Variants in TJP2 observed in about 807,000 individuals in gnomAD.
TJP2 encodes the protein tight junction protein 2, also known as Friedreich ataxia region gene X104 (tight junction protein ZO-2).
Under a neutral mutation model 133.1 loss-of-function variants are expected in TJP2, and 91 were observed. The ratio of observed to expected loss-of-function variants is 0.68; its 90% confidence interval spans 0.58 to 0.81. The LOEUF is 0.81. TJP2 is among the 40% of genes least tolerant of loss of function. The probability of loss-of-function intolerance (pLI) is 0.00; values close to 1 mark genes in which losing one functional copy is unlikely to be tolerated. For synonymous variants in TJP2, 592 were observed against 583.4 expected (o/e 1.01, Z -0.21); for missense variants, 1,541 against 1,565.6 (o/e 0.98, Z 0.26).
intron 4 of TJP2, among the ~76,000 whole-genome samples, 176 bp from the exon 5 acceptor site, chr9:69,220,711 G>T (rs186908527): frequency 6.6e-6 from 1 of 152,330 alleles, no homozygotes; most frequent in African/African-American, 2.4e-5. Context: ...CACGGTCATT[G>T]TCCTATTCTA....
At chr9:69,186,108 G>A (rs529808037) in intron 1 of TJP2, among the ~76,000 whole-genome samples, 28 of 152,084 alleles carry the variant, frequency 1.8e-4, no homozygotes, top group Non-Finnish European at 3.8e-4. Context: ...TTGAACCAAT[G>A]TTGGCAACAG....
In TJP2 at chr9:69,230,237, G is replaced by T; in HGVS notation, c.1671+5G>T. 6.2e-7 allele frequency: 1 copy of T among 1,614,100 alleles called. No homozygotes were observed. Among genetic ancestry groups the T allele is most frequent in the Non-Finnish European group, 8.5e-7 (1 of 1,179,990 alleles). ...GAAGGAGACCAGATTCTGAAGGTAA[G>T]AACAGCCCAGCTCTGTTTCTAGAAG... On this transcript the variant is annotated splice_donor_5th_base_variant and intron_variant, in intron 11 of 22. Coordinates refer to ENST00000377245, the MANE Select transcript of TJP2 (RefSeq NM_004817.4).
intron 1 of TJP2, among the ~76,000 whole-genome samples, chr9:69,182,232 T>C (rs555911767): frequency 6.6e-6 from 1 of 152,298 alleles, no homozygotes; most frequent in East Asian, 1.9e-4. Flanking sequence ...CACTTTGCCT[T>C]CCTTGGGCTG....
chr9:69,148,065 C>T (rs1230518216), intron 1 of TJP2, among the ~76,000 whole-genome samples: 1 of 151,894 alleles, frequency 6.6e-6, no homozygotes. Flanking sequence ...GCTTGGATTA[C>T]AGGCATGCGC....
At chr9:69,171,927 C>T (rs28563132), upstream of TJP2, among the ~76,000 whole-genome samples, 3,567 of 151,076 alleles carry the variant, frequency 0.024, 159 homozygotes, top group African/African-American at 0.08. Flanking sequence ...TCCTGAACAG[C>T]TGGGACTACA....
chr9:69,194,900 A>G (rs187232712), intron 1 of TJP2, among the ~76,000 whole-genome samples: 37 of 152,318 alleles, frequency 2.4e-4, no homozygotes, highest in Admixed American at 2.4e-3. Flanking sequence ...CTAATAGGAA[A>G]GGCATGTGTT....
upstream of TJP2, among the ~76,000 whole-genome samples, chr9:69,173,049 C>T (rs1186382819): frequency 6.6e-6 from 1 of 152,212 alleles, no homozygotes; most frequent in African/African-American, 2.4e-5. Flanking sequence ...AGAAGCATAA[C>T]ACTTCTGGAG....
At chr9:69,121,510 C>T (rs1822138851) in exon 1 of TJP2, 2 of 274,674 alleles carry the variant, frequency 7.3e-6, no homozygotes, top group African/African-American at 2.3e-5. Flanking sequence ...CAATAATATA[C>T]GGGAGCAGCC....
intron 1 of TJP2, among the ~76,000 whole-genome samples, chr9:69,139,556 C>T (rs1822923037): frequency 6.6e-6 from 1 of 152,162 alleles, no homozygotes; most frequent in Non-Finnish European, 1.5e-5. Context: ...GACCTACCTT[C>T]CCAGCACCTT....
Position 69,205,043 on chromosome 9 carries a change from G to A in TJP2, c.61-7505G>A. The A allele has an allele frequency of 6.2e-6, 9 of 1,447,208 alleles. No homozygotes were observed. The South Asian group carries it at 1.1e-4, about 17-fold the overall frequency. 89.6% of individuals were successfully genotyped at this position (1,447,208 alleles called of 1,614,324 possible). On this transcript the variant is annotated intron_variant, in intron 1 of 22. Coordinates refer to ENST00000377245, the MANE Select transcript of TJP2 (RefSeq NM_004817.4). Reference sequence around the variant, plus strand: ...TGTGTCACTGTGTGAGATGACAACAGGATTTGCTGGAAATGTGGGCCACTA... The same window carrying A: ...TGTGTCACTGTGTGAGATGACAACAAGATTTGCTGGAAATGTGGGCCACTA...
rs1463560243 is a variant in TJP2 at position 69,123,334 on chromosome 9, G to T, written c.-131+1609G>T. 7.9e-5 allele frequency among the ~76,000 whole-genome samples: 6 copies of T among 75,930 alleles called. 2 individuals are homozygous for T. The highest frequency in any genetic ancestry group is 2.4e-4 in the African/African-American group (6 of 24,750). 49.8% of individuals were successfully genotyped at this position (75,930 alleles called of 152,430 possible). ...TAAAGTAAAATGTAGTATTTTAGCC[G>T]TTTAAAAATGGACCCTTAATTCAAT... On this transcript the variant is annotated intron_variant, in intron 1 of 5. Transcript: ENST00000423935.
intron 2 of TJP2, among the ~76,000 whole-genome samples, chr9:69,162,215 TATA>T (rs1249819205): frequency 6.7e-5 from 10 of 148,638 alleles, no homozygotes; most frequent in African/African-American, 2.4e-4. Context: ...AAAATACAAT[TATA>T]AGTTAAATAT....
At position 69,249,476 on chromosome 9, in the gene TJP2, G is replaced by A; in HGVS notation, c.2982G>A (p.Glu994=). The A allele has an allele frequency of 6.2e-7, 1 of 1,605,302 alleles. No homozygotes were observed. Among genetic ancestry groups the A allele is most frequent in the Non-Finnish European group, 8.5e-7 (1 of 1,175,148 alleles). Residue 994 remains glutamate, a synonymous_variant, in exon 20 of 23, where the codon GAG becomes GAA. Coordinates refer to ENST00000377245, the MANE Select transcript of TJP2 (RefSeq NM_004817.4). ...DNSPPPAFKP[E]PPKAKTQNKE... The stretch of plus-strand genomic sequence containing the variant: ...GCCCGCCCCCAGCATTCAAGCCAGA[G>A]CCGCCCAAGGTACGTGGCTGGGAAG...
At chr9:69,185,096 G>C (rs6560618) in intron 1 of TJP2, among the ~76,000 whole-genome samples, 67,818 of 145,236 alleles carry the variant, frequency 0.47, 15,896 homozygotes, top group South Asian at 0.53. Context: ...GAGTCTTGCT[G>C]TGTTGCCCAG....
intron 1 of TJP2, among the ~76,000 whole-genome samples, chr9:69,207,160 A>G (rs1175037988): frequency 2.6e-5 from 4 of 152,206 alleles, no homozygotes; most frequent in African/African-American, 9.7e-5. Flanking sequence ...ACAATAGATT[A>G]ATTTTGTTGG....
At chr9:69,219,546 T>G (rs1433341615) in intron 4 of TJP2, among the ~76,000 whole-genome samples, 1 of 152,158 alleles carries the variant, frequency 6.6e-6, no homozygotes, top group Admixed American at 6.5e-5. Flanking sequence ...CTAAGAAAAG[T>G]AATAATTTTA....
chr9:69,179,282 AG>A (rs886121277), intron 1 of TJP2, among the ~76,000 whole-genome samples: 2 of 152,364 alleles, frequency 1.3e-5, no homozygotes, highest in African/African-American at 4.8e-5. Context: ...AAGTTAAATC[AG>A]GTTTTTTAAC....
At chr9:69,138,416 C>G (rs191439026) in intron 1 of TJP2, among the ~76,000 whole-genome samples, 2 of 150,202 alleles carry the variant, frequency 1.3e-5, no homozygotes, top group Admixed American at 1.3e-4. Flanking sequence ...CCATCAGGAA[C>G]TTCTGGGCTT....
chr9:69,129,305 G>A (rs79528275), intron 1 of TJP2, among the ~76,000 whole-genome samples: 3,708 of 152,220 alleles, frequency 0.024, 161 homozygotes, highest in African/African-American at 0.084. Flanking sequence ...GAATCCAAGA[G>A]TTCGAGACCA....
Sources: allele counts gnomAD v4.1 joint callset (sites outside exome capture counted in the v4.1 genomes callset), GRCh38; gene constraint gnomAD v4.1.1; transcripts MANE v1.5; gene names NCBI Gene and HGNC (gene_info 2026-07-23, HGNC 2026-07-21).